CFAP97D2: variants seen among roughly 807,000 people sequenced by gnomAD.
CFAP97D2 encodes the protein CFAP97 domain containing 2, also known as uncharacterized protein CFAP97D2.
At chr13:114,215,390 C>T (rs1355915264) in intron 4 of CFAP97D2, among the ~76,000 whole-genome samples, 1 of 152,120 alleles carries the variant, frequency 6.6e-6, no homozygotes, top group African/African-American at 2.4e-5. Flanking sequence ...TATCAATTCA[C>T]CTAAGTTTAT....
chr13:114,210,871 C>T, intron 3 of CFAP97D2, among the ~76,000 whole-genome samples: 1 of 151,714 alleles, frequency 6.6e-6, no homozygotes, highest in South Asian at 2.1e-4. Flanking sequence ...CACACACACA[C>T]ACACACACAC....
intron 4 of CFAP97D2, among the ~76,000 whole-genome samples, chr13:114,220,051 C>T (rs2138792174): frequency 6.6e-6 from 1 of 152,196 alleles, no homozygotes; most frequent in African/African-American, 2.4e-5. Flanking sequence ...CACGTCTTCT[C>T]ATTTTAGAAA....
rs2080851722 is a variant in CFAP97D2 at position 114,185,687 on chromosome 13, G to A, written c.90+6267G>A. Among the ~76,000 whole-genome samples, 2 of 152,366 alleles carry A rather than the reference G, an allele frequency of 1.3e-5. No homozygotes were observed. The highest frequency in any genetic ancestry group is 2.1e-4 in the South Asian group (1 of 4,830). On this transcript the variant is annotated intron_variant, in intron 1 of 4. Transcript: ENST00000646158. This position sits in a 1 kb window ranked among gnomAD's most constrained non-coding sequence, Gnocchi z 5.2. ...TGGAGAAAAGTTGGGGCCAAGCCCAGGCACTGTCACAGCCCGGCTGGGTGT... is the reference window on the plus strand; with the variant it reads ...TGGAGAAAAGTTGGGGCCAAGCCCAAGCACTGTCACAGCCCGGCTGGGTGT...
intron 4 of CFAP97D2, among the ~76,000 whole-genome samples, chr13:114,215,114 C>T (rs1187665811): frequency 1.3e-5 from 2 of 152,080 alleles, no homozygotes; most frequent in African/African-American, 4.8e-5. Context: ...CTAATTGCCC[C>T]CCACAAACAG....
chr13:114,200,600 T>C (rs747885744), intron 3 of CFAP97D2, among the ~76,000 whole-genome samples, 157 bp downstream of exon 3: 1 of 152,210 alleles, frequency 6.6e-6, no homozygotes, highest in African/African-American at 2.4e-5. Context: ...GCCCTTTTCC[T>C]TGGCGGATTG....
chr13:114,196,297 T>A (rs2080886926), intron 1 of CFAP97D2, 99 bp from the exon 2 acceptor site: 1 of 398,328 alleles, frequency 2.5e-6, no homozygotes. Flanking sequence ...TGTGCTGACA[T>A]GGAATCCCTG....
In CFAP97D2 at chr13:114,189,959, T is replaced by G. The variant is rs12100155; in HGVS notation, c.91-6437T>G. 0.44 allele frequency among the ~76,000 whole-genome samples: 66,949 copies of G among 151,728 alleles called. 15,003 individuals are homozygous for G. The highest frequency in any genetic ancestry group is 0.52 in the Middle Eastern group (153 of 294). Reference sequence around the variant, plus strand: ...GAGTTTGAGAACAGCTTGAGCAACATAGCAAGACCCCATCTTTACAAAAGA... The same window carrying G: ...GAGTTTGAGAACAGCTTGAGCAACAGAGCAAGACCCCATCTTTACAAAAGA... On this transcript the variant is annotated intron_variant, in intron 1 of 4. Coordinates refer to ENST00000646158, the Ensembl canonical transcript of CFAP97D2. The surrounding 1 kb of genome is among the most constrained non-coding windows in gnomAD (Gnocchi z 4.5).
Position 114,211,389 on chromosome 13 carries a change from C to T in CFAP97D2, c.291-523C>T, listed in dbSNP as rs2080965921. 6.6e-6 allele frequency among the ~76,000 whole-genome samples: 1 copy of T among 152,206 alleles called. No homozygotes were observed. The highest frequency in any genetic ancestry group is 2.4e-5 in the African/African-American group (1 of 41,446). On this transcript the variant is annotated intron_variant, in intron 3 of 4. Transcript: ENST00000646158. The surrounding 1 kb of genome is among the most constrained non-coding windows in gnomAD (Gnocchi z 4.2). ...CTGCGGAGTCTGGTTTGAAGCCATT[C>T]AGTGGCTCCACACTGTCTTCCACAT...
downstream of CFAP97D2, chr13:114,222,760 G>A: frequency 2.6e-6 from 1 of 382,756 alleles, no homozygotes; most frequent in Non-Finnish European, 4.6e-6. The surrounding 1 kb of genome is among the most constrained non-coding windows in gnomAD (Gnocchi z 4.4). Flanking sequence ...ATCACAGCCG[G>A]AGCAGCTGTG....
At chr13:114,217,636 G>A (rs1825501234) in intron 4 of CFAP97D2, among the ~76,000 whole-genome samples, 1 of 152,148 alleles carries the variant, frequency 6.6e-6, no homozygotes, top group Non-Finnish European at 1.5e-5. Flanking sequence ...ATAAAATACT[G>A]GCAAACCGAA....
chr13:114,204,817 G>A (rs1414672570), intron 3 of CFAP97D2, among the ~76,000 whole-genome samples: 1 of 151,930 alleles, frequency 6.6e-6, no homozygotes, highest in African/African-American at 2.4e-5. Flanking sequence ...CAAACAAGAA[G>A]ATACATAAAC....
At position 114,211,999 on chromosome 13, in the gene CFAP97D2, T is replaced by C. The variant is rs2080968417; in HGVS notation, c.378T>C (p.His126=). The change falls in exon 4 of 5, where the codon CAT becomes CAC. Residue 126 remains histidine (H), a synonymous_variant. Transcript: ENST00000646158. The surrounding 1 kb of genome is among the most constrained non-coding windows in gnomAD (Gnocchi z 4.2). Reference sequence around the variant, plus strand: ...GGAAGGAATCACACACTCAGAACCATGGTATGGAGCTCAAAGGTGGTGTGA... The same window carrying C: ...GGAAGGAATCACACACTCAGAACCACGGTATGGAGCTCAAAGGTGGTGTGA... 2 of 398,648 alleles carry C rather than the reference T, an allele frequency of 5.0e-6. No homozygotes were observed. The highest frequency in any genetic ancestry group is 2.1e-5 in the African/African-American group (1 of 48,712). The allele number at this position is 398,648 out of a possible 1,614,324, so 24.7% of individuals were successfully genotyped here. A position where few individuals can be genotyped will look rare whatever the true frequency, so the allele number is the denominator to read the frequency against.
chr13:114,206,958 G>T (rs1363666965), intron 3 of CFAP97D2, among the ~76,000 whole-genome samples: 2 of 152,216 alleles, frequency 1.3e-5, no homozygotes, highest in African/African-American at 4.8e-5. Context: ...GATCAGGGAG[G>T]AGTTCTTGCC....
chr13:114,192,946 A>G (rs990224818), intron 1 of CFAP97D2, among the ~76,000 whole-genome samples: 3 of 152,238 alleles, frequency 2.0e-5, no homozygotes, highest in Admixed American at 6.5e-5. Context: ...AATAGAAATT[A>G]CAATGATATG....
rs2080928030 is a variant in CFAP97D2, at chr13:114,203,697, C to A, written c.290+3254C>A. ...TCACAAATGGAATCCCAGGCCACCA[C>A]ACAGGAACTGAAGAGGCCAGGCTCC... is the stretch of plus-strand genomic sequence containing the variant. On this transcript the variant is annotated intron_variant, in intron 3 of 4. Transcript: ENST00000646158. The surrounding 1 kb of genome is among the most constrained non-coding windows in gnomAD (Gnocchi z 4.3). 6.6e-6 allele frequency among the ~76,000 whole-genome samples: 1 copy of A among 152,250 alleles called. No homozygotes were observed. Among genetic ancestry groups the A allele is most frequent in the Non-Finnish European group, 1.5e-5 (1 of 68,046 alleles).
chr13:114,192,131 G>GTA (rs2080871856), intron 1 of CFAP97D2, among the ~76,000 whole-genome samples: 1 of 152,172 alleles, frequency 6.6e-6, no homozygotes, highest in Non-Finnish European at 1.5e-5. Context: ...AAAATATGCT[G>GTA]TATGATAATG....
At chr13:114,215,010 G>T in intron 4 of CFAP97D2, among the ~76,000 whole-genome samples, 1 of 152,116 alleles carries the variant, frequency 6.6e-6, no homozygotes, top group East Asian at 1.9e-4. Context: ...TAACCCATAT[G>T]TATCTTTACA....
rs1352675819 is a variant in CFAP97D2, at chr13:114,207,720, T to C, written c.291-4192T>C. ...CTGGTATGGGTCCATGGCCCGGGGG[T>C]TGGGGACCTCTGCCTTATAGGGAAA... On this transcript the variant is annotated intron_variant, in intron 3 of 4. Transcript: ENST00000646158. The surrounding 1 kb of genome is among the most constrained non-coding windows in gnomAD (Gnocchi z 4.9). 2.0e-5 allele frequency among the ~76,000 whole-genome samples: 3 copies of C among 152,102 alleles called. No homozygotes were observed. The highest frequency in any genetic ancestry group is 4.4e-5 in the Non-Finnish European group (3 of 68,018).
Position 114,199,044 on chromosome 13 carries a change from G to C in CFAP97D2, c.172-1281G>C, listed in dbSNP as rs1417147619. 2.1e-3 allele frequency among the ~76,000 whole-genome samples: 35 copies of C among 17,002 alleles called. 1 individual carries two copies. Among genetic ancestry groups the C allele is most frequent in the South Asian group, 3.3e-3 (2 of 598 alleles). 11.2% of individuals were successfully genotyped at this position (17,002 alleles called of 152,430 possible). A position where few individuals can be genotyped will look rare whatever the true frequency, so the allele number is the denominator to read the frequency against. Reference sequence around the variant, plus strand: ...CGAGGGGTGACGGCGCGTCCCCGTGGGTACGGTCCCCGCTGAGGCGTGACG... The same window carrying C: ...CGAGGGGTGACGGCGCGTCCCCGTGCGTACGGTCCCCGCTGAGGCGTGACG... On this transcript the variant is annotated intron_variant, in intron 2 of 4. Transcript: ENST00000646158.
Sources: allele counts gnomAD v4.1 joint callset (sites outside exome capture counted in the v4.1 genomes callset), GRCh38; gene constraint gnomAD v4.1.1; non-coding constraint Gnocchi (gnomAD v3.1); transcripts MANE v1.5; gene names NCBI Gene and HGNC (gene_info 2026-07-23, HGNC 2026-07-21).